Variants in EXOC6B observed in about 807,000 individuals in gnomAD.
EXOC6B encodes SEC15 homolog B.
In EXOC6B, 54 loss-of-function variants were observed where a neutral mutation model predicts 113.5. The observed-to-expected ratio is 0.48, with a 90% CI of 0.38 to 0.60. The LOEUF is 0.60. Ranked by LOEUF, EXOC6B falls within the 20% of genes least tolerant of loss-of-function variation. The probability of loss-of-function intolerance (pLI) is 0.00; values close to 1 mark genes in which losing one functional copy is unlikely to be tolerated. For synonymous variants in EXOC6B, 357 were observed against 339.0 expected (o/e 1.05, Z -0.58); for missense variants, 797 against 977.5 (o/e 0.82, Z 2.46).
chr2:72,787,599 C>T (rs553110064), intron 1 of EXOC6B, among the ~76,000 whole-genome samples: 2 of 151,990 alleles, frequency 1.3e-5, no homozygotes, highest in South Asian at 2.1e-4. Context: ...TTAAATATGA[C>T]ATAAAGTTCA....
intron 6 of EXOC6B, among the ~76,000 whole-genome samples, chr2:72,621,264 T>A (rs1671727048): frequency 1.3e-5 from 2 of 152,140 alleles, no homozygotes; most frequent in African/African-American, 2.4e-5. Context: ...TAAGTGCCCA[T>A]CACTTGTGGA....
intron 20 of EXOC6B, among the ~76,000 whole-genome samples, chr2:72,292,944 G>A (rs1255601577): frequency 6.6e-6 from 1 of 152,104 alleles, no homozygotes; most frequent in South Asian, 2.1e-4. Context: ...ACTGAAGTAC[G>A]TTTGGATTGT....
chr2:72,485,624 G>A (rs557265484), intron 16 of EXOC6B, among the ~76,000 whole-genome samples: 6 of 152,154 alleles, frequency 3.9e-5, no homozygotes, highest in South Asian at 2.1e-4. Context: ...TCCTGGTTAC[G>A]AATTCCAAGA....
At chr2:72,469,503 C>G (rs528326070) in intron 17 of EXOC6B, among the ~76,000 whole-genome samples, 2 of 151,942 alleles carry the variant, frequency 1.3e-5, no homozygotes, top group East Asian at 3.9e-4. Flanking sequence ...TATTTTAATT[C>G]TTGTTTATTT....
intron 1 of EXOC6B, among the ~76,000 whole-genome samples, chr2:72,793,324 T>A (rs1684781010): frequency 6.6e-6 from 1 of 152,114 alleles, no homozygotes; most frequent in Non-Finnish European, 1.5e-5. Flanking sequence ...CCCACAACTT[T>A]CATACACACT....
chr2:72,360,892 T>C (rs661395), intron 19 of EXOC6B, among the ~76,000 whole-genome samples: 16,730 of 134,730 alleles, frequency 0.12, 1,033 homozygotes, highest in African/African-American at 0.19. Context: ...GATCACACCA[T>C]CACACTCCAG....
In EXOC6B at chr2:72,823,476, AAACAAAAAAC is replaced by A. The variant is rs1392049001; in HGVS notation, c.113+2312_113+2321del. 1.6e-3 allele frequency among the ~76,000 whole-genome samples: 188 copies of A among 118,710 alleles called. 21 individuals are homozygous for A. The highest frequency in any genetic ancestry group is 3.4e-3 in the African/African-American group (108 of 31,880). 77.9% of individuals were successfully genotyped at this position (118,710 alleles called of 152,430 possible). A position where few individuals can be genotyped will look rare whatever the true frequency, so the allele number is the denominator to read the frequency against. On this transcript the variant is annotated intron_variant, in intron 1 of 21. Coordinates refer to ENST00000272427, the MANE Select transcript of EXOC6B (RefSeq NM_015189.3). ...AGTTTTAAGAAAAAAAAAAAAAAAAAAACAAAAAACAAAAAAAAAGACAGTGGCCAGGCAC... is the reference window on the plus strand; with the variant it reads ...AGTTTTAAGAAAAAAAAAAAAAAAAAAAAAAAAAAGACAGTGGCCAGGCAC...
intron 17 of EXOC6B, among the ~76,000 whole-genome samples, chr2:72,473,044 T>G (rs187161836): frequency 2.0e-5 from 3 of 152,302 alleles, no homozygotes; most frequent in Admixed American, 6.5e-5. Flanking sequence ...GGGAATATAC[T>G]TGATGTGATT....
At chr2:72,448,501 C>T (rs943718649) in intron 18 of EXOC6B, among the ~76,000 whole-genome samples, 1 of 151,938 alleles carries the variant, frequency 6.6e-6, no homozygotes, top group African/African-American at 2.4e-5. Context: ...CAAGAATAAC[C>T]TGGGGTAGAA....
At chr2:72,603,018 G>A (rs1246144679) in intron 6 of EXOC6B, among the ~76,000 whole-genome samples, 2 of 151,650 alleles carry the variant, frequency 1.3e-5, no homozygotes, top group East Asian at 1.9e-4. Flanking sequence ...AGGTAGAAGA[G>A]GAGTGGGTGG....
chr2:72,219,588 C>T (rs1680740918), intron 20 of EXOC6B, among the ~76,000 whole-genome samples: 1 of 152,056 alleles, frequency 6.6e-6, no homozygotes, highest in South Asian at 2.1e-4. Context: ...TCCTTCTCTT[C>T]CCTACTCTAT....
At chr2:72,255,214 C>A (rs183158341) in intron 20 of EXOC6B, among the ~76,000 whole-genome samples, 2 of 152,142 alleles carry the variant, frequency 1.3e-5, no homozygotes, top group Non-Finnish European at 2.9e-5. Context: ...CTGTGACATA[C>A]ACAGGACACC....
intron 6 of EXOC6B, among the ~76,000 whole-genome samples, chr2:72,659,344 A>G (rs963343425): frequency 6.6e-6 from 1 of 152,098 alleles, no homozygotes. Context: ...GACCTCAAAA[A>G]AAGAAGACCC....
chr2:72,633,230 T>C (rs902049411), intron 6 of EXOC6B, among the ~76,000 whole-genome samples: 5 of 152,206 alleles, frequency 3.3e-5, no homozygotes, highest in Admixed American at 1.3e-4. Context: ...GAGAAGCACA[T>C]TCCTGGAGAC....
chr2:72,255,858 A>C (rs1683323404), intron 20 of EXOC6B, among the ~76,000 whole-genome samples: 2 of 152,206 alleles, frequency 1.3e-5, no homozygotes, highest in Admixed American at 1.3e-4. Context: ...TGTGTTTTGC[A>C]TGTGGAATAA....
chr2:72,755,870 C>T (rs915977853), intron 1 of EXOC6B, among the ~76,000 whole-genome samples: 2 of 152,102 alleles, frequency 1.3e-5, no homozygotes, highest in Admixed American at 1.3e-4. Flanking sequence ...GAAAAAATTG[C>T]TTCCAGGTGG....
At chr2:72,572,372 A>G (rs1471533644) in intron 7 of EXOC6B, among the ~76,000 whole-genome samples, 2 of 152,324 alleles carry the variant, frequency 1.3e-5, no homozygotes, top group East Asian at 1.9e-4. Flanking sequence ...TGCACATTAA[A>G]TGTCAAGAAA....
At chr2:72,616,621 C>G (rs969573968) in intron 6 of EXOC6B, among the ~76,000 whole-genome samples, 2 of 152,138 alleles carry the variant, frequency 1.3e-5, no homozygotes, top group Non-Finnish European at 2.9e-5. Flanking sequence ...TTAAAACCAT[C>G]AGATCTTGTG....
chr2:72,502,108 T>C (rs1700355966), intron 11 of EXOC6B, among the ~76,000 whole-genome samples: 1 of 152,212 alleles, frequency 6.6e-6, no homozygotes, highest in South Asian at 2.1e-4. Context: ...TAGGAATTAA[T>C]AGCATTAATT....
Sources: allele counts gnomAD v4.1 joint callset (sites outside exome capture counted in the v4.1 genomes callset), GRCh38; gene constraint gnomAD v4.1.1; transcripts MANE v1.5; gene names NCBI Gene and HGNC (gene_info 2026-07-23, HGNC 2026-07-21).